Variants in MIS18BP1 observed in about 807,000 individuals in gnomAD.
MIS18BP1 encodes mis18-binding protein 1.
In MIS18BP1, 72 loss-of-function variants were observed where a neutral mutation model predicts 116.1. The observed-to-expected ratio is 0.62, with a 90% CI of 0.51 to 0.75. The LOEUF (loss-of-function observed/expected upper bound fraction) is 0.75, where lower values mean the gene tolerates loss of function less well. MIS18BP1 is among the 30% of genes least tolerant of loss of function. The probability of loss-of-function intolerance (pLI) is 0.00; values close to 1 mark genes in which losing one functional copy is unlikely to be tolerated. For synonymous variants in MIS18BP1, 386 were observed against 427.0 expected, an observed-to-expected ratio of 0.90 and a Z score of 1.18; for missense variants, 1,363 against 1,303.2, an observed-to-expected ratio of 1.05 and a Z score of -0.71.
intron 11 of MIS18BP1, among the ~76,000 whole-genome samples, chr14:45,221,374 T>C (rs1009828580): frequency 2.6e-5 from 4 of 151,894 alleles, no homozygotes; most frequent in Non-Finnish European, 5.9e-5. Flanking sequence ...GAGGTGGAGC[T>C]TGCAGTGAGC....
At chr14:45,233,457 C>T (rs1891343133) in intron 6 of MIS18BP1, among the ~76,000 whole-genome samples, 1 of 152,092 alleles carries the variant, frequency 6.6e-6, no homozygotes, top group African/African-American at 2.4e-5. Flanking sequence ...AGCAGAGGAG[C>T]TACAGGATCT....
intron 5 of MIS18BP1, 121 bp downstream of exon 5, chr14:45,237,527 T>A: frequency 8.2e-7 from 1 of 1,226,574 alleles, no homozygotes; most frequent in Admixed American, 3.7e-5. Flanking sequence ...CTTTTTTGCC[T>A]TCAGTTCATA....
At chr14:45,219,141 A>T (rs1273002460) in intron 11 of MIS18BP1, among the ~76,000 whole-genome samples, 2 of 152,222 alleles carry the variant, frequency 1.3e-5, no homozygotes, top group Non-Finnish European at 2.9e-5. Context: ...GCCAGAAAAC[A>T]TCTATGTAAC....
chr14:45,212,459 C>T lies in MIS18BP1; in HGVS notation c.3004-1931G>A, dbSNP rs563060119. ...CAAGGAATGAGAGGGCCTCCCCACC[C>T]CCCACCAGGAATGTTGTTAGGCGAC... On this transcript the variant is annotated intron_variant, in intron 13 of 16. Coordinates refer to ENST00000310806, the MANE Select transcript of MIS18BP1 (RefSeq NM_018353.5). Among the ~76,000 whole-genome samples, 13 of 152,230 alleles carry T rather than the reference C, an allele frequency of 8.5e-5. No individual in the cohort carries two copies. The South Asian group carries it at 2.5e-3, about 29-fold the overall frequency.
At chr14:45,226,955 T>G (rs1170868229) in intron 9 of MIS18BP1, 119 bp from the exon 10 acceptor site, 1 of 817,038 alleles carries the variant, frequency 1.2e-6, no homozygotes, top group African/African-American at 1.8e-5. Flanking sequence ...TTCCGCAAAT[T>G]TCATTAGTGG....
At chr14:45,213,692 G>A (rs35532489) in intron 13 of MIS18BP1, among the ~76,000 whole-genome samples, 18 of 152,298 alleles carry the variant, frequency 1.2e-4, no homozygotes, top group Non-Finnish European at 2.1e-4. Context: ...ATGCTTAGCC[G>A]TTAGTAGGAA....
chr14:45,210,335 T>C, intron 14 of MIS18BP1, 45 bp downstream of exon 14: 1 of 1,583,336 alleles, frequency 6.3e-7, no homozygotes, highest in Non-Finnish European at 8.6e-7. Flanking sequence ...TGTTCCTCAC[T>C]ACTCTGATGC....
At chr14:45,208,330 G>GTTTTTTTT (rs1166566812) in intron 14 of MIS18BP1, among the ~76,000 whole-genome samples, 1 of 120,942 alleles carries the variant, frequency 8.3e-6, no homozygotes, top group Non-Finnish European at 1.7e-5. Context: ...GGATGAAGTT[G>GTTTTTTTT]TTTTTTTTTT....
intron 1 of MIS18BP1, chr14:45,249,937 G>A (rs1170074644): frequency 6.6e-6 from 1 of 152,138 alleles, no homozygotes; most frequent in Admixed American, 6.5e-5. Context: ...AGAATGTTCA[G>A]GTTTACACAA....
At chr14:45,247,961 G>A (rs1891766427) in intron 1 of MIS18BP1, among the ~76,000 whole-genome samples, 2 of 139,530 alleles carry the variant, frequency 1.4e-5, no homozygotes, top group African/African-American at 5.4e-5. Flanking sequence ...ATGGTAAATT[G>A]TTTTCATTCT....
chr14:45,241,812 T>A (rs965241615), intron 4 of MIS18BP1: 18 of 472,022 alleles, frequency 3.8e-5, no homozygotes, highest in African/African-American at 3.6e-4. Flanking sequence ...AAAATAAGAC[T>A]TAACATGTGG....
intron 5 of MIS18BP1, 117 bp downstream of exon 5, chr14:45,237,531 G>T: frequency 7.7e-7 from 1 of 1,291,294 alleles, no homozygotes; most frequent in South Asian, 1.6e-5. Context: ...TTTGCCTTCA[G>T]TTCATAACCT....
At chr14:45,216,458 A>AG (rs1890821464) in intron 13 of MIS18BP1, among the ~76,000 whole-genome samples, 1 of 152,176 alleles carries the variant, frequency 6.6e-6, no homozygotes. Flanking sequence ...GTGTTTATTC[A>AG]GCCTTTTGAA....
intron 12 of MIS18BP1, among the ~76,000 whole-genome samples, 158 bp from the exon 13 acceptor site, chr14:45,217,337 C>A (rs886382939): frequency 6.6e-6 from 1 of 152,062 alleles, no homozygotes; most frequent in African/African-American, 2.4e-5. Flanking sequence ...CCCTGTAACC[C>A]AGCACTTCGG....
In MIS18BP1 at chr14:45,242,254, C is replaced by T; in HGVS notation, c.923G>A (p.Arg308Lys). Residue 308 changes from arginine (R) to lysine (K), a missense_variant, in exon 4 of 17, where the codon AGG becomes AAG. Transcript: ENST00000310806. The part of the protein sequence containing the change: ...GSLLMVSDSE[R>K]TTEGTSQQKV... ...CTGTTGCGAAGTCCCTTCTGTTGTC[C>T]TCTCACTATCAGAAACCATTAACAG... The T allele has an allele frequency of 6.2e-7, 1 of 1,614,036 alleles. No individual in the cohort carries two copies.
intron 11 of MIS18BP1, among the ~76,000 whole-genome samples, chr14:45,222,221 A>G (rs1890994613): frequency 1.3e-5 from 2 of 152,172 alleles, no homozygotes; most frequent in Non-Finnish European, 2.9e-5. Context: ...TGTTTAGACC[A>G]TTTAATTTAA....
intron 8 of MIS18BP1, among the ~76,000 whole-genome samples, chr14:45,228,267 G>A (rs1003447809): frequency 1.3e-5 from 2 of 152,138 alleles, no homozygotes; most frequent in African/African-American, 2.4e-5. Context: ...TCTGTATAGC[G>A]CTACGCTACA....
At position 45,204,426 on chromosome 14, in the gene MIS18BP1, G is replaced by C. The variant is rs765372279; in HGVS notation, c.3268C>G (p.Pro1090Ala). The C allele has an allele frequency of 1.1e-5, 18 of 1,605,788 alleles. No individual in the cohort carries two copies. The Admixed American group carries it at 3.1e-4, about 28-fold the overall frequency. Reference sequence around the variant, plus strand: ...GTGTTAAATGGGGTTTTCCTTCTTGGTGTTGGAGTTGAGAAATCAGTTTCA... The same window carrying C: ...GTGTTAAATGGGGTTTTCCTTCTTGCTGTTGGAGTTGAGAAATCAGTTTCA... ...LVETDFSTPT[P>A]RRKTPFNTDL... is the part of the protein sequence containing the mutation. The change falls in exon 16 of 17, where the codon CCA becomes GCA. Residue 1090 changes from proline (P) to alanine (A), a missense_variant. Transcript: ENST00000310806.
intron 6 of MIS18BP1, among the ~76,000 whole-genome samples, chr14:45,234,385 T>C (rs1461390793): frequency 6.6e-6 from 1 of 151,836 alleles, no homozygotes; most frequent in African/African-American, 2.4e-5. Context: ...GTTACTGGAA[T>C]AACATCCTTG....
Sources: gnomAD v4.1 joint callset for allele counts (sites outside exome capture counted in the v4.1 genomes callset) on GRCh38, gnomAD v4.1.1 for gene constraint, MANE v1.5 for transcripts, NCBI Gene and HGNC (gene_info 2026-07-23, HGNC 2026-07-21) for gene names.